MIS18A: variants seen among roughly 807,000 people sequenced by gnomAD.
The protein encoded by MIS18A is protein Mis18-alpha.
MIS18A carries 14 observed loss-of-function variants against 25.0 expected under a neutral mutation model. The ratio of observed to expected loss-of-function variants is 0.56; its 90% CI spans 0.37 to 0.88. The LOEUF is 0.88. MIS18A is among the 40% of genes least tolerant of loss of function. The pLI is 0.00. For missense variants in MIS18A, 292 were observed against 290.8 expected (o/e 1.00, Z -0.03); for synonymous variants, 134 against 118.6 (o/e 1.13, Z -0.84).
chr21:32,207,056 T>C, the MIS18A span, among the ~76,000 whole-genome samples: 6 of 152,336 alleles, frequency 3.9e-5, no homozygotes, highest in African/African-American at 1.4e-4. Flanking sequence ...GGCATCTGAT[T>C]GATGAAGTCT....
the MIS18A span, among the ~76,000 whole-genome samples, chr21:32,258,838 AT>A: frequency 1.5e-5 from 1 of 66,658 alleles, no homozygotes; most frequent in Non-Finnish European, 3.2e-5. Context: ...TCTGCATTTT[AT>A]TTATTTATTT....
At chr21:32,164,944 A>C in the MIS18A span, among the ~76,000 whole-genome samples, 1 of 152,252 alleles carries the variant, frequency 6.6e-6, no homozygotes, top group Admixed American at 6.5e-5. Context: ...AAGCATGGTC[A>C]CTACTACATA....
the MIS18A span, among the ~76,000 whole-genome samples, chr21:32,186,975 C>CT: frequency 6.6e-6 from 1 of 152,064 alleles, no homozygotes; most frequent in Non-Finnish European, 1.5e-5. Flanking sequence ...CTCATCTGGC[C>CT]TTTTTTTAAG....
the MIS18A span, among the ~76,000 whole-genome samples, chr21:32,160,649 C>CTT: frequency 6.9e-6 from 1 of 144,624 alleles, no homozygotes; most frequent in Non-Finnish European, 1.5e-5. Flanking sequence ...TGGTTGCATT[C>CTT]TTTTTTTTTT....
chr21:32,178,458 G>C, the MIS18A span, among the ~76,000 whole-genome samples: 1 of 151,700 alleles, frequency 6.6e-6, no homozygotes, highest in Admixed American at 6.6e-5. Context: ...TTTTCTTCCT[G>C]AATTATATTT....
chr21:32,241,877 T>G, the MIS18A span, among the ~76,000 whole-genome samples: 2 of 137,934 alleles, frequency 1.4e-5, no homozygotes, highest in Admixed American at 7.6e-5. Flanking sequence ...TTTTGGGTTT[T>G]TTGTTGTTGT....
chr21:32,239,097 T>C, the MIS18A span, among the ~76,000 whole-genome samples: 1 of 152,254 alleles, frequency 6.6e-6, no homozygotes, highest in Non-Finnish European at 1.5e-5. Flanking sequence ...CATTTACACC[T>C]GTGCAATGGG....
At chr21:32,194,513 GC>G in the MIS18A span, among the ~76,000 whole-genome samples, 1 of 151,962 alleles carries the variant, frequency 6.6e-6, no homozygotes, top group Non-Finnish European at 1.5e-5. Flanking sequence ...TACGAAATTA[GC>G]CAGGTGTGGT....
chr21:32,238,598 T>C, the MIS18A span, among the ~76,000 whole-genome samples: 3 of 152,200 alleles, frequency 2.0e-5, no homozygotes, highest in Admixed American at 2.0e-4. Flanking sequence ...TTCCCCACTA[T>C]CACCATTCCC....
intron 3 of MIS18A, 113 bp downstream of exon 3, chr21:32,270,294 A>G: frequency 1.5e-6 from 2 of 1,311,344 alleles, no homozygotes; most frequent in African/African-American, 1.5e-5. Flanking sequence ...CTTGTTAGAA[A>G]TCATTACTTG....
At chr21:32,265,458 G>A (rs937850066), downstream of MIS18A, among the ~76,000 whole-genome samples, 10 of 152,350 alleles carry the variant, frequency 6.6e-5, no homozygotes, top group South Asian at 8.3e-4. Context: ...CCGGGCAATG[G>A]GGGACTTAGC....
chr21:32,255,323 C>T, the MIS18A span, among the ~76,000 whole-genome samples: 2 of 151,748 alleles, frequency 1.3e-5, no homozygotes, highest in Non-Finnish European at 1.5e-5. Flanking sequence ...CTCCGCCTTC[C>T]GGGTTCAAGT....
At chr21:32,157,336 T>C in the MIS18A span, among the ~76,000 whole-genome samples, 15 of 147,818 alleles carry the variant, frequency 1.0e-4, no homozygotes, top group Non-Finnish European at 1.9e-4. Context: ...CCCAAAGTGC[T>C]GGGATTACAG....
intron 2 of MIS18A, among the ~76,000 whole-genome samples, chr21:32,272,339 G>T (rs1010241129): frequency 2.0e-5 from 3 of 152,170 alleles, no homozygotes; most frequent in Non-Finnish European, 4.4e-5. Flanking sequence ...GCTCAGGCAG[G>T]TATCAAAAAA....
chr21:32,185,280 T>C, the MIS18A span, among the ~76,000 whole-genome samples: 4 of 152,132 alleles, frequency 2.6e-5, no homozygotes, highest in Non-Finnish European at 5.9e-5. Flanking sequence ...AGGAGGGACT[T>C]AACTGATTGG....
At chr21:32,184,327 T>G in the MIS18A span, among the ~76,000 whole-genome samples, 4 of 152,208 alleles carry the variant, frequency 2.6e-5, no homozygotes, top group Non-Finnish European at 4.4e-5. Flanking sequence ...CTCACTTCCA[T>G]ACTGAGAAGA....
At chr21:32,244,324 C>T in the MIS18A span, among the ~76,000 whole-genome samples, 1 of 151,884 alleles carries the variant, frequency 6.6e-6, no homozygotes, top group Non-Finnish European at 1.5e-5. Context: ...AAATATGCTA[C>T]ATTATAATTG....
At chr21:32,265,418 A>G (rs577408812), downstream of MIS18A, among the ~76,000 whole-genome samples, 1,543 of 152,286 alleles carry the variant, frequency 0.01, 20 homozygotes, top group African/African-American at 0.036. Flanking sequence ...TGGGCCCCGC[A>G]CTTGGAGCAG....
the MIS18A span, among the ~76,000 whole-genome samples, chr21:32,188,035 C>G: frequency 6.8e-6 from 1 of 146,920 alleles, no homozygotes; most frequent in Non-Finnish European, 1.5e-5. Context: ...CTTTCTCTCT[C>G]TCTCCATCAT....
Sources: allele counts gnomAD v4.1 joint callset (sites outside exome capture counted in the v4.1 genomes callset), GRCh38; gene constraint gnomAD v4.1.1; transcripts MANE v1.5; gene names NCBI Gene and HGNC (gene_info 2026-07-23, HGNC 2026-07-21).